ARHGAP12: variants seen among roughly 807,000 people sequenced by gnomAD.
The protein encoded by ARHGAP12 is rho GTPase-activating protein 12.
A neutral mutation model predicts 108.6 loss-of-function variants in ARHGAP12; 64 were observed. That is an observed-to-expected ratio of 0.59 (90% CI 0.48 to 0.73). The LOEUF (loss-of-function observed/expected upper bound fraction) is 0.73. Among genes scored for constraint, ARHGAP12 ranks in the 30% least tolerant of loss-of-function variants. ARHGAP12 has a pLI of 0.00. For missense variants in ARHGAP12, 940 were observed against 1,005.9 expected, an observed-to-expected ratio of 0.93 and a Z score of 0.89; for synonymous variants, 312 against 337.2, an observed-to-expected ratio of 0.93 and a Z score of 0.82.
In ARHGAP12 at chr10:31,806,898, C is replaced by T. The variant is rs1834840163; in HGVS notation, c.*760G>A. The stretch of plus-strand genomic sequence containing the variant: ...TATTTACATAAAATAATGTGTGTTT[C>T]CACAGGGTCATACCAATAACTCAGT... On this transcript the variant is annotated 3_prime_UTR_variant, in exon 20 of 20. Transcript: ENST00000344936. The T allele has an allele frequency of 6.6e-6, 1 of 152,280 alleles. No homozygotes were observed. The highest frequency in any genetic ancestry group is 6.5e-5 in the Admixed American group (1 of 15,268). The allele number at this position is 152,280 out of a possible 1,614,324, so 9.4% of individuals were successfully genotyped here. A position where few individuals can be genotyped will look rare whatever the true frequency, so the allele number is the denominator to read the frequency against.
intron 3 of ARHGAP12, among the ~76,000 whole-genome samples, chr10:31,890,864 A>T (rs564009840): frequency 1.3e-5 from 2 of 152,130 alleles, no homozygotes; most frequent in South Asian, 4.2e-4. Context: ...TTCCTCAAGC[A>T]CTCTTCTTAA....
In ARHGAP12 at chr10:31,808,643, T is replaced by C. The variant is rs770584251; in HGVS notation, c.2366+6A>G. On this transcript the variant is annotated splice_donor_region_variant and intron_variant, in intron 19 of 19. Transcript: ENST00000344936. ...ACCACATCCCATGACTGGGCAGTCC[T>C]CCTACCTTCTGAGATGTCGGAAAAG... The C allele has an allele frequency of 4.0e-5, 65 of 1,612,782 alleles. No individual in the cohort carries two copies. Among genetic ancestry groups the C allele is most frequent in the Non-Finnish European group, 5.1e-5 (60 of 1,179,122 alleles).
At chr10:31,839,739 T>C (rs568059927) in intron 7 of ARHGAP12, 28 bp from the exon 8 acceptor site, 1 of 1,534,152 alleles carries the variant, frequency 6.5e-7, no homozygotes, top group African/African-American at 1.4e-5. Flanking sequence ...TGAAAAAAGT[T>C]ACTCTATTTT....
intron 3 of ARHGAP12, among the ~76,000 whole-genome samples, chr10:31,875,002 A>AAT (rs869148262): frequency 7.4e-6 from 1 of 135,046 alleles, no homozygotes; most frequent in African/African-American, 2.9e-5. Flanking sequence ...AAAAAAAAAA[A>AAT]TTTTCACACA....
chr10:31,822,001 C>T (rs987383748), intron 11 of ARHGAP12, among the ~76,000 whole-genome samples: 1 of 151,788 alleles, frequency 6.6e-6, no homozygotes, highest in Non-Finnish European at 1.5e-5. Context: ...AGATGGGTAG[C>T]TCTAAGCTAA....
intron 1 of ARHGAP12, among the ~76,000 whole-genome samples, chr10:31,920,907 CTCAAAAAGTA>C (rs565368639): frequency 3.4e-4 from 52 of 152,282 alleles, no homozygotes; most frequent in African/African-American, 1.3e-3. Flanking sequence ...ATTAGAAACT[CTCAAAAAGTA>C]TCTTAAAAAC....
At chr10:31,811,914 C>T (rs773841802) in intron 15 of ARHGAP12, among the ~76,000 whole-genome samples, 11 of 152,076 alleles carry the variant, frequency 7.2e-5, no homozygotes, top group Non-Finnish European at 1.6e-4. Flanking sequence ...TCCTGCCTCC[C>T]AAAGTGGGGG....
intron 11 of ARHGAP12, among the ~76,000 whole-genome samples, chr10:31,824,217 A>T (rs902044288): frequency 6.6e-6 from 1 of 152,180 alleles, no homozygotes. Flanking sequence ...TTAAGAATTG[A>T]CTGTACAACC....
chr10:31,842,965 G>A (rs1836325434), intron 7 of ARHGAP12, among the ~76,000 whole-genome samples: 1 of 152,066 alleles, frequency 6.6e-6, no homozygotes, highest in Admixed American at 6.6e-5. Flanking sequence ...AGTGCTTTCT[G>A]CAGAGAGCAT....
intron 9 of ARHGAP12, among the ~76,000 whole-genome samples, chr10:31,838,285 A>T (rs1465556675): frequency 6.6e-6 from 1 of 152,144 alleles, no homozygotes; most frequent in Non-Finnish European, 1.5e-5. Context: ...TAGGACAACA[A>T]GCAAGAAGGG....
chr10:31,871,856 G>C (rs1837554591), intron 3 of ARHGAP12, among the ~76,000 whole-genome samples: 1 of 152,154 alleles, frequency 6.6e-6, no homozygotes, highest in Non-Finnish European at 1.5e-5. Flanking sequence ...TGCACAATTA[G>C]GAAGTTTATT....
At chr10:31,855,429 A>G (rs922609024) in intron 4 of ARHGAP12, among the ~76,000 whole-genome samples, 1 of 152,214 alleles carries the variant, frequency 6.6e-6, no homozygotes, top group South Asian at 2.1e-4. Context: ...TGTATTTTCT[A>G]TCATCATAAT....
At chr10:31,895,119 A>C (rs561436478) in intron 3 of ARHGAP12, among the ~76,000 whole-genome samples, 2 of 152,356 alleles carry the variant, frequency 1.3e-5, no homozygotes, top group South Asian at 2.1e-4. Flanking sequence ...TAAAGACTTA[A>C]ATGTTAGACC....
chr10:31,892,671 A>G (rs1364185605), intron 3 of ARHGAP12, among the ~76,000 whole-genome samples: 1 of 152,182 alleles, frequency 6.6e-6, no homozygotes, highest in Non-Finnish European at 1.5e-5. Flanking sequence ...TTAACATCCC[A>G]CTGTCAACGT....
chr10:31,922,180 CAAAAAAAAAAAAAAAAAAAAAA>C (rs56210740), intron 1 of ARHGAP12, among the ~76,000 whole-genome samples: 23 of 66,124 alleles, frequency 3.5e-4, no homozygotes, highest in South Asian at 1.7e-3. Flanking sequence ...GACCCTGCCT[CAAAAAAAAAAAAAAAAAAAAAA>C]AAAAAAAAAA....
intron 1 of ARHGAP12, among the ~76,000 whole-genome samples, chr10:31,916,356 G>T (rs891889452): frequency 6.6e-6 from 1 of 151,416 alleles, no homozygotes; most frequent in African/African-American, 2.4e-5. Flanking sequence ...CGACACACAC[G>T]CCTGCTTATA....
chr10:31,860,733 A>G (rs879322179), intron 4 of ARHGAP12, among the ~76,000 whole-genome samples: 6 of 152,100 alleles, frequency 3.9e-5, no homozygotes, highest in Non-Finnish European at 7.4e-5. Flanking sequence ...AGAGAAATAT[A>G]TTATTTCTAT....
intron 6 of ARHGAP12, among the ~76,000 whole-genome samples, chr10:31,844,127 G>A (rs898277222): frequency 5.9e-5 from 9 of 152,148 alleles, no homozygotes; most frequent in African/African-American, 2.2e-4. Flanking sequence ...TCTAGGCTAT[G>A]TGAGTTGAAG....
Position 31,908,918 on chromosome 10 carries a change from TGA to T in ARHGAP12, c.-65_-64del. 1.5e-6 allele frequency: 2 copies of T among 1,376,048 alleles called. No individual in the cohort carries two copies. The highest frequency in any genetic ancestry group is 4.6e-5 in the Admixed American group (2 of 43,784). The allele number at this position is 1,376,048 out of a possible 1,614,324, so 85.2% of individuals were successfully genotyped here. ...CATTATGGCTTTATGGCTTGTTGGA[TGA>T]ATATAGCTGTTTTATTTAAATGGAG... On this transcript the variant is annotated 5_prime_UTR_variant, in exon 3 of 20. Coordinates refer to ENST00000344936, the MANE Select transcript of ARHGAP12 (RefSeq NM_018287.7).
Sources: allele counts gnomAD v4.1 joint callset (sites outside exome capture counted in the v4.1 genomes callset), GRCh38; gene constraint gnomAD v4.1.1; transcripts MANE v1.5; gene names NCBI Gene and HGNC (gene_info 2026-07-23, HGNC 2026-07-21).